Variants in PCDHAC2 observed in about 807,000 individuals in gnomAD.
PCDHAC2 encodes the protein protocadherin alpha subfamily C, 2.
In PCDHAC2, 24 loss-of-function variants were observed where a neutral mutation model predicts 63.3. That is an observed-to-expected ratio of 0.38 (90% CI 0.27 to 0.53). PCDHAC2 has a LOEUF of 0.53. Ranked by LOEUF, PCDHAC2 falls within the 20% of genes least tolerant of loss-of-function variation. The pLI, the probability that PCDHAC2 is intolerant of heterozygous loss-of-function variation, is 0.81. For missense variants in PCDHAC2, 1,181 were observed against 1,275.2 expected (o/e 0.93, Z 1.12); for synonymous variants, 569 against 529.4 (o/e 1.07, Z -1.03).
intron 3 of PCDHAC2, among the ~76,000 whole-genome samples, chr5:141,008,574 A>G (rs1554261815): frequency 1.3e-5 from 2 of 152,164 alleles, no homozygotes; most frequent in Admixed American, 1.3e-4. Context: ...TCATTTTCCC[A>G]AGACTCAGGG....
chr5:141,002,336 C>A (rs1236741058), intron 3 of PCDHAC2, among the ~76,000 whole-genome samples: 3 of 152,084 alleles, frequency 2.0e-5, no homozygotes, highest in Non-Finnish European at 2.9e-5. Flanking sequence ...TGCATCCGCA[C>A]CCCTTCCCCC....
In PCDHAC2 at chr5:140,967,072, C is replaced by T; in HGVS notation, c.306C>T (p.Asn102=). The T allele has an allele frequency of 6.2e-7, 1 of 1,613,106 alleles. No homozygotes were observed. Among genetic ancestry groups the T allele is most frequent in the Non-Finnish European group, 8.5e-7 (1 of 1,179,716 alleles). Reference sequence around the variant, plus strand: ...TGACGAGTGGAGCGCTCTTCGTCAACGAGCGCATTGATCGGGAGGCGCTGT... The same window carrying T: ...TGACGAGTGGAGCGCTCTTCGTCAATGAGCGCATTGATCGGGAGGCGCTGT... ...LDLTSGALFV[N]ERIDREALCE... Residue 102 remains asparagine, a synonymous_variant, in exon 1 of 4, where the codon AAC becomes AAT. Transcript: ENST00000289269.
At chr5:141,006,077 T>C (rs1554260547) in intron 3 of PCDHAC2, among the ~76,000 whole-genome samples, 1 of 150,908 alleles carries the variant, frequency 6.6e-6, no homozygotes, top group East Asian at 1.9e-4. Flanking sequence ...ATCAGATTAT[T>C]GAAGGGACTT....
intron 3 of PCDHAC2, among the ~76,000 whole-genome samples, chr5:140,994,216 G>A (rs2097604981): frequency 6.6e-6 from 1 of 152,178 alleles, no homozygotes; most frequent in Non-Finnish European, 1.5e-5. Flanking sequence ...GGGACCCAGG[G>A]TCTGTCTATG....
At chr5:140,982,273 A>G (rs1554243953) in intron 2 of PCDHAC2, 2 of 943,086 alleles carry the variant, frequency 2.1e-6, no homozygotes, top group Non-Finnish European at 3.0e-6. Context: ...CTGGAATAGT[A>G]TAGCAGGCAA....
intron 3 of PCDHAC2, among the ~76,000 whole-genome samples, chr5:140,999,590 C>T (rs951986017): frequency 3.3e-5 from 5 of 152,132 alleles, no homozygotes; most frequent in Non-Finnish European, 7.3e-5. Context: ...AAATTGCCTT[C>T]CCTACATCCT....
At chr5:140,985,557 G>A (rs1190905215) in intron 3 of PCDHAC2, among the ~76,000 whole-genome samples, 1 of 152,118 alleles carries the variant, frequency 6.6e-6, no homozygotes, top group East Asian at 1.9e-4. Context: ...GCTTCCAAAA[G>A]GCTTCTTTCT....
intron 1 of PCDHAC2, among the ~76,000 whole-genome samples, chr5:140,975,429 C>T (rs1006180121): frequency 2.6e-5 from 4 of 152,208 alleles, no homozygotes; most frequent in African/African-American, 9.6e-5. Flanking sequence ...AGGGTGTGCA[C>T]ACCAGGATAT....
intron 3 of PCDHAC2, among the ~76,000 whole-genome samples, chr5:140,991,146 G>A (rs2097434554): frequency 6.6e-6 from 1 of 151,978 alleles, no homozygotes; most frequent in African/African-American, 2.4e-5. Context: ...AATGTTTTTT[G>A]CTCACCATTG....
intron 3 of PCDHAC2, among the ~76,000 whole-genome samples, chr5:140,986,402 A>G (rs782590214): frequency 6.6e-6 from 1 of 152,192 alleles, no homozygotes; most frequent in Non-Finnish European, 1.5e-5. Context: ...CCAGTCGCTC[A>G]TGTTACAGCT....
Position 140,966,652 on chromosome 5 carries a change from G to C in PCDHAC2, c.-115G>C, listed in dbSNP as rs556593659. ...CCCAGGCGCTTTCTAGAGCGTGAGC[G>C]GTGGGGGAGCAGGCGCAGGGTGGCA... On this transcript the variant is annotated 5_prime_UTR_variant, in exon 1 of 4. Transcript: ENST00000289269. 2 of 1,169,200 alleles carry C rather than the reference G, an allele frequency of 1.7e-6. No homozygotes were observed. Among genetic ancestry groups the C allele is most frequent in the Admixed American group, 3.9e-5 (1 of 25,406 alleles). The allele number at this position is 1,169,200 out of a possible 1,614,324, so 72.4% of individuals were successfully genotyped here.
In PCDHAC2 at chr5:140,968,211, A is replaced by G. The variant is rs1039283745; in HGVS notation, c.1445A>G (p.Asn482Ser). ...DSYSIYIQEN[N>S]LPGVLLCTVQ... Reference sequence around the variant, plus strand: ...TATTCCATCTACATACAGGAGAACAATTTGCCAGGTGTGTTGCTCTGTACT... The same window carrying G: ...TATTCCATCTACATACAGGAGAACAGTTTGCCAGGTGTGTTGCTCTGTACT... The change falls in exon 1 of 4, where the codon AAT becomes AGT. Residue 482 changes from asparagine (N) to serine (S), a missense_variant. Physicochemically the swap from Asn to Ser is conservative, Grantham distance 46 (BLOSUM62 1). This residue lies in a region of PCDHAC2 where 968 missense variants were observed against 1,073.5 expected (regional missense o/e 0.90). Coordinates refer to ENST00000289269, the MANE Select transcript of PCDHAC2 (RefSeq NM_018899.6). 1 of 1,614,002 alleles carries G rather than the reference A, an allele frequency of 6.2e-7. No homozygotes were observed.
In PCDHAC2 at chr5:140,980,207, CT is replaced by C. The variant is rs2096880359; in HGVS notation, c.2624+1204del. Among the ~76,000 whole-genome samples, 4 of 152,182 alleles carry C rather than the reference CT, an allele frequency of 2.6e-5. No individual in the cohort carries two copies. In the South Asian group the frequency reaches 8.3e-4, roughly 31 times the overall value. On this transcript the variant is annotated intron_variant, in intron 2 of 3. Coordinates refer to ENST00000289269, the MANE Select transcript of PCDHAC2 (RefSeq NM_018899.6). ...TATATTTATTAGAGACCAACTTGTGCTTTTGCCTGCATCTGAGCTGTTGGTG... is the reference window on the plus strand; with the variant it reads ...TATATTTATTAGAGACCAACTTGTGCTTTGCCTGCATCTGAGCTGTTGGTG...
At chr5:141,004,580 A>T (rs782539696) in intron 3 of PCDHAC2, among the ~76,000 whole-genome samples, 1 of 152,222 alleles carries the variant, frequency 6.6e-6, no homozygotes, top group Non-Finnish European at 1.5e-5. Context: ...TGTGTTCTGC[A>T]TCTCCAGATG....
intron 1 of PCDHAC2, among the ~76,000 whole-genome samples, chr5:140,977,658 T>C (rs1332848343): frequency 6.6e-6 from 1 of 152,192 alleles, no homozygotes; most frequent in African/African-American, 2.4e-5. Context: ...TTTGGCTAAT[T>C]CTCTGCATGC....
At chr5:140,973,354 T>A (rs937415600) in intron 1 of PCDHAC2, among the ~76,000 whole-genome samples, 4 of 152,202 alleles carry the variant, frequency 2.6e-5, no homozygotes, top group Non-Finnish European at 5.9e-5. Flanking sequence ...AGTAGTGAAT[T>A]TATAAAAATT....
intron 3 of PCDHAC2, among the ~76,000 whole-genome samples, chr5:141,005,884 T>G (rs1554260408): frequency 6.6e-6 from 1 of 151,862 alleles, no homozygotes; most frequent in Non-Finnish European, 1.5e-5. Flanking sequence ...GAGTTTGAGG[T>G]TACATCAAGC....
chr5:140,990,055 C>T (rs1563562429), intron 3 of PCDHAC2, among the ~76,000 whole-genome samples: 2 of 151,866 alleles, frequency 1.3e-5, no homozygotes, highest in Non-Finnish European at 1.5e-5. Context: ...GATGGTAATA[C>T]TTAAAGGAAA....
In PCDHAC2 at chr5:140,967,385, C is replaced by G. The variant is rs2096135382; in HGVS notation, c.619C>G (p.Leu207Val). The G allele has an allele frequency of 6.2e-7, 1 of 1,608,920 alleles. No homozygotes were observed. The highest frequency in any genetic ancestry group is 1.3e-5 in the African/African-American group (1 of 74,956). ...LKPLQENSKV[L>V]ELVLRKGLDR... ...GCCCCTGCAGGAGAACAGTAAAGTGCTTGAGCTGGTGCTGCGTAAGGGCCT... is the reference window on the plus strand; with the variant it reads ...GCCCCTGCAGGAGAACAGTAAAGTGGTTGAGCTGGTGCTGCGTAAGGGCCT... Residue 207 changes from leucine (L) to valine (V), a missense_variant, in exon 1 of 4, where the codon CTT becomes GTT. Physicochemically the swap from Leu to Val is conservative, Grantham distance 32 (BLOSUM62 1). Coordinates refer to ENST00000289269, the MANE Select transcript of PCDHAC2 (RefSeq NM_018899.6).
Sources: gnomAD v4.1 joint callset for allele counts (sites outside exome capture counted in the v4.1 genomes callset) on GRCh38, gnomAD v4.1.1 for gene constraint, gnomAD v4.1.1 regional missense constraint, MANE v1.5 for transcripts, NCBI Gene and HGNC (gene_info 2026-07-23, HGNC 2026-07-21) for gene names.